The following NALCN variants were observed in gnomAD, a reference collection of about 807,000 sequenced individuals.
NALCN encodes the protein sodium leak channel, non-selective.
Under a neutral mutation model 225.3 loss-of-function variants are expected in NALCN, and 111 were observed. The observed-to-expected ratio is 0.49, with a 90% confidence interval of 0.42 to 0.58. The LOEUF (loss-of-function observed/expected upper bound fraction) is 0.58. NALCN is among the 20% of genes least tolerant of loss of function. The pLI is 0.00. For missense variants in NALCN, 1,378 were observed against 2,202.4 expected, an observed-to-expected ratio of 0.63 and a Z score of 7.49; for synonymous variants, 764 against 769.0, an observed-to-expected ratio of 0.99 and a Z score of 0.11.
intron 14 of NALCN, chr13:101,181,015 G>T: frequency 2.0e-6 from 1 of 496,552 alleles, no homozygotes. Flanking sequence ...CACACATTTA[G>T]TTCTGTACCA....
At chr13:101,192,632 C>T (rs893377350) in intron 13 of NALCN, among the ~76,000 whole-genome samples, 1 of 151,864 alleles carries the variant, frequency 6.6e-6, no homozygotes, top group Non-Finnish European at 1.5e-5. Context: ...TTTCAAGGCA[C>T]AGGGTCAAGA....
At chr13:101,167,571 T>C (rs1009450677) in intron 15 of NALCN, among the ~76,000 whole-genome samples, 4 of 152,180 alleles carry the variant, frequency 2.6e-5, no homozygotes, top group Admixed American at 2.0e-4. Flanking sequence ...GTTAGGTGGT[T>C]CACGCCTGTA....
chr13:101,128,893 A>G (rs151287318), intron 17 of NALCN, among the ~76,000 whole-genome samples: 1 of 151,796 alleles, frequency 6.6e-6, no homozygotes, highest in Non-Finnish European at 1.5e-5. Flanking sequence ...CTGAAAGCAC[A>G]CTCTTGGTAC....
At chr13:101,189,958 C>A (rs1214949918) in intron 14 of NALCN, among the ~76,000 whole-genome samples, 1 of 152,076 alleles carries the variant, frequency 6.6e-6, no homozygotes, top group Non-Finnish European at 1.5e-5. Flanking sequence ...ATAACCAATG[C>A]CATATTTTAG....
At chr13:101,250,349 T>C (rs1386622776) in intron 11 of NALCN, among the ~76,000 whole-genome samples, 1 of 152,010 alleles carries the variant, frequency 6.6e-6, no homozygotes, top group Non-Finnish European at 1.5e-5. Flanking sequence ...TCAACATCAG[T>C]AGCTTGCCCT....
intron 10 of NALCN, among the ~76,000 whole-genome samples, chr13:101,261,135 T>G (rs1220574357): frequency 6.6e-6 from 1 of 152,222 alleles, no homozygotes; most frequent in Non-Finnish European, 1.5e-5. Flanking sequence ...TTCCCCAGTG[T>G]ATGTTCTTGG....
At chr13:101,350,889 C>T (rs1340270491) in intron 6 of NALCN, among the ~76,000 whole-genome samples, 2 of 152,180 alleles carry the variant, frequency 1.3e-5, no homozygotes, top group Admixed American at 6.5e-5. Flanking sequence ...CTGAAATTTC[C>T]AGGCTGCCCT....
At chr13:101,108,834 G>A (rs895499653) in intron 20 of NALCN, among the ~76,000 whole-genome samples, 1 of 152,262 alleles carries the variant, frequency 6.6e-6, no homozygotes, top group South Asian at 2.1e-4. Flanking sequence ...CTATCATTCA[G>A]AATAAGTGAA....
rs9557635 is a variant in NALCN at position 101,398,739 on chromosome 13, A to G, written c.108+280T>C. Among the ~76,000 whole-genome samples, 105,562 of 151,916 alleles carry G rather than the reference A, an allele frequency of 0.69. 38,344 individuals are homozygous for G. Among genetic ancestry groups the G allele is most frequent in the African/African-American group, 0.91 (37,608 of 41,486 alleles). On this transcript the variant is annotated intron_variant, in intron 2 of 43. Coordinates refer to ENST00000251127, the MANE Select transcript of NALCN (RefSeq NM_052867.4). Reference sequence around the variant, plus strand: ...TTGGACCCCAGCTTTGGATCAGCCTAAGAAGTGGTATCATCTCTACACCAT... The same window carrying G: ...TTGGACCCCAGCTTTGGATCAGCCTGAGAAGTGGTATCATCTCTACACCAT...
At chr13:101,214,233 G>A (rs937868814) in intron 13 of NALCN, among the ~76,000 whole-genome samples, 9 of 150,666 alleles carry the variant, frequency 6.0e-5, no homozygotes, top group African/African-American at 2.2e-4. Flanking sequence ...CTGATAGGTG[G>A]GAATTGAACA....
At chr13:101,138,554 T>A (rs1413297246) in intron 17 of NALCN, among the ~76,000 whole-genome samples, 3 of 152,220 alleles carry the variant, frequency 2.0e-5, no homozygotes, top group Non-Finnish European at 4.4e-5. Flanking sequence ...ACAGCCCTCA[T>A]CCTAGCATGG....
chr13:101,075,849 T>C (rs778068926), intron 35 of NALCN, 24 bp downstream of exon 35: 2 of 1,582,154 alleles, frequency 1.3e-6, no homozygotes, highest in Non-Finnish European at 1.7e-6. Flanking sequence ...ACCTTTAAGA[T>C]AAGATTCTTA....
rs1039009980 is a variant in NALCN, at chr13:101,268,525, T to C, written c.1135-9951A>G. On this transcript the variant is annotated intron_variant, in intron 10 of 43. Transcript: ENST00000251127. ...TCTAAGGTGTTTAGCTTTGTTACTC[T>C]AGTCTGGGTCATATATATTACATAT... Among the ~76,000 whole-genome samples the C allele has an allele frequency of 2.0e-5, 3 of 152,160 alleles. No individual in the cohort carries two copies. The East Asian group carries it at 5.8e-4, about 29-fold the overall frequency.
chr13:101,184,371 G>T (rs1167402815), intron 14 of NALCN, among the ~76,000 whole-genome samples: 1 of 152,132 alleles, frequency 6.6e-6, no homozygotes, highest in Non-Finnish European at 1.5e-5. Context: ...GGGTCTCACA[G>T]GCGTTTGATT....
chr13:101,074,224 T>G (rs1396324870), intron 36 of NALCN, among the ~76,000 whole-genome samples: 3 of 152,160 alleles, frequency 2.0e-5, no homozygotes, highest in Non-Finnish European at 4.4e-5. Flanking sequence ...ATAGAAAAAG[T>G]GCTGGAATTA....
chr13:101,194,584 A>T (rs1005720511), intron 13 of NALCN, among the ~76,000 whole-genome samples: 11 of 152,190 alleles, frequency 7.2e-5, no homozygotes, highest in Non-Finnish European at 1.6e-4. Context: ...TATTCAAACA[A>T]GGATTATTAG....
intron 1 of NALCN, among the ~76,000 whole-genome samples, chr13:101,412,976 C>T (rs2047832696): frequency 6.6e-6 from 1 of 152,120 alleles, no homozygotes; most frequent in African/African-American, 2.4e-5. Context: ...TATATTTTAG[C>T]ATCTGGTTTT....
chr13:101,246,510 C>T (rs2041902293), intron 11 of NALCN, among the ~76,000 whole-genome samples: 1 of 152,160 alleles, frequency 6.6e-6, no homozygotes, highest in African/African-American at 2.4e-5. Flanking sequence ...AAATCACCTA[C>T]TCTTAGCTTA....
chr13:101,301,547 C>T (rs1336353782), intron 7 of NALCN, among the ~76,000 whole-genome samples: 1 of 151,982 alleles, frequency 6.6e-6, no homozygotes, highest in Non-Finnish European at 1.5e-5. Flanking sequence ...ATGGTGAAAC[C>T]TTGTCTCTAC....
Sources: gnomAD v4.1 joint callset for allele counts (sites outside exome capture counted in the v4.1 genomes callset) on GRCh38, gnomAD v4.1.1 for gene constraint, MANE v1.5 for transcripts, NCBI Gene and HGNC (gene_info 2026-07-23, HGNC 2026-07-21) for gene names.